The following DAB1 variants were observed in gnomAD, a reference collection of about 807,000 sequenced individuals.
The protein encoded by DAB1 is DAB adaptor protein 1.
DAB1 carries 15 observed loss-of-function variants against 64.6 expected under a neutral mutation model. The observed-to-expected ratio is 0.23, with a 90% CI of 0.16 to 0.36. DAB1 has a LOEUF of 0.36. DAB1 is among the 10% of genes least tolerant of loss of function. The pLI is 1.00. For synonymous variants in DAB1, 235 were observed against 251.9 expected (o/e 0.93, Z 0.64); for missense variants, 596 against 706.7 (o/e 0.84, Z 1.78).
chr1:57,222,931 T>C (rs891678578), intron 2 of DAB1, among the ~76,000 whole-genome samples: 6 of 152,170 alleles, frequency 3.9e-5, no homozygotes, highest in African/African-American at 1.4e-4. Flanking sequence ...CAGTGAATTG[T>C]AACACACTGA....
intron 1 of DAB1, among the ~76,000 whole-genome samples, chr1:57,321,426 C>T (rs1169313867): frequency 7.2e-5 from 11 of 152,292 alleles, no homozygotes; most frequent in East Asian, 1.9e-4. Context: ...GTGGCATCAA[C>T]TCTCACCTCT....
chr1:58,231,979 T>A (rs947494768), intron 4 of DAB1, among the ~76,000 whole-genome samples: 2 of 152,200 alleles, frequency 1.3e-5, no homozygotes, highest in Non-Finnish European at 2.9e-5. Context: ...GAGTTTAGAT[T>A]CAAATCCATG....
rs148860032 is a variant in DAB1 at position 57,782,039 on chromosome 1, A to G, written n.551+101960T>C. Among the ~76,000 whole-genome samples the G allele has an allele frequency of 1.4e-4, 22 of 152,322 alleles. No individual in the cohort carries two copies. The East Asian group carries it at 4.2e-3, about 29-fold the overall frequency. ...TACACACGGCAAAGCAATGATAATTAAGCCTATTTTACAGATGAGAAGACA... is the reference window on the plus strand; with the variant it reads ...TACACACGGCAAAGCAATGATAATTGAGCCTATTTTACAGATGAGAAGACA... On this transcript the variant is annotated intron_variant and non_coding_transcript_variant, in intron 6 of 20. Coordinates refer to the DAB1 transcript ENST00000485760.
At chr1:58,267,698 T>A (rs1164493120) in intron 4 of DAB1, among the ~76,000 whole-genome samples, 1 of 152,166 alleles carries the variant, frequency 6.6e-6, no homozygotes, top group African/African-American at 2.4e-5. Context: ...GTCAATCTCA[T>A]AAGGATTAGA....
rs569979143 is a variant in DAB1, at chr1:58,051,653, C to T, written n.387+98858G>A. On this transcript the variant is annotated intron_variant and non_coding_transcript_variant, in intron 5 of 20. Coordinates refer to the DAB1 transcript ENST00000485760. ...CTTCCACAATGGTTGAAGCAATTTA[C>T]ACTCCCATGAACAGTGTAAAAGCAT... is the stretch of plus-strand genomic sequence containing the variant. Among the ~76,000 whole-genome samples, 15 of 152,312 alleles carry T rather than the reference C, an allele frequency of 9.8e-5. No individual in the cohort carries two copies. In the South Asian group the frequency reaches 3.1e-3, roughly 32 times the overall value.
At chr1:58,310,602 T>C (rs900084905) in intron 4 of DAB1, among the ~76,000 whole-genome samples, 2 of 152,198 alleles carry the variant, frequency 1.3e-5, no homozygotes, top group African/African-American at 4.8e-5. Flanking sequence ...CCCACACTTC[T>C]ATGGCTGCCA....
chr1:57,800,561 T>C (rs1051360742), intron 6 of DAB1, among the ~76,000 whole-genome samples: 2 of 152,292 alleles, frequency 1.3e-5, no homozygotes, highest in African/African-American at 4.8e-5. Context: ...CCCCATGCGA[T>C]GGTAACACAG....
intron 1 of DAB1, chr1:58,539,003 T>TA (rs766647870): frequency 2.3e-6 from 2 of 872,864 alleles, no homozygotes; most frequent in East Asian, 4.8e-5. Context: ...TTCCATACAG[T>TA]ACATTTGCTG....
chr1:58,395,970 T>G (rs1644518263), intron 3 of DAB1, among the ~76,000 whole-genome samples: 1 of 152,096 alleles, frequency 6.6e-6, no homozygotes, highest in Admixed American at 6.5e-5. Context: ...AAAATTGGGG[T>G]TTAGAAAGAT....
intron 7 of DAB1, among the ~76,000 whole-genome samples, chr1:57,477,291 C>T (rs544484774): frequency 2.6e-5 from 4 of 152,156 alleles, no homozygotes; most frequent in African/African-American, 7.2e-5. Flanking sequence ...CACACACAGA[C>T]CCCTAAAACC....
chr1:58,000,338 C>A (rs1646487420), intron 5 of DAB1, among the ~76,000 whole-genome samples: 1 of 152,158 alleles, frequency 6.6e-6, no homozygotes, highest in South Asian at 2.1e-4. Context: ...TCTGTATGGA[C>A]AATTACCAGA....
At chr1:57,866,325 T>C (rs1376500182) in intron 1 of DAB1, 1 of 152,174 alleles carries the variant, frequency 6.6e-6, no homozygotes, top group Admixed American at 6.6e-5. Flanking sequence ...TCCGAGACCA[T>C]CTCTCCTATT....
chr1:57,459,394 C>A (rs1686706744), intron 7 of DAB1, among the ~76,000 whole-genome samples: 1 of 152,110 alleles, frequency 6.6e-6, no homozygotes, highest in Admixed American at 6.6e-5. Flanking sequence ...AAATGCCACA[C>A]CTTTGCACTC....
intron 7 of DAB1, among the ~76,000 whole-genome samples, chr1:57,438,877 A>G (rs926221117): frequency 6.6e-5 from 10 of 152,218 alleles, no homozygotes; most frequent in Admixed American, 2.0e-4. Context: ...CTCTTACTTT[A>G]GCATTCATCC....
chr1:57,009,116 GGAT>G (rs1306836151), intron 14 of DAB1, among the ~76,000 whole-genome samples: 1 of 152,200 alleles, frequency 6.6e-6, no homozygotes, highest in Non-Finnish European at 1.5e-5. Context: ...TTCAATTTTA[GGAT>G]GATGTTTGCT....
At chr1:57,757,196 GA>G in intron 6 of DAB1, among the ~76,000 whole-genome samples, 1 of 78,514 alleles carries the variant, frequency 1.3e-5, no homozygotes, top group East Asian at 3.6e-4. Context: ...CCCAGGGGCA[GA>G]ATTTTTTTTT....
rs368277285 is a variant in DAB1, at chr1:57,649,288, T to C, written n.625+304A>G. Among the ~76,000 whole-genome samples, 8 of 152,292 alleles carry C rather than the reference T, an allele frequency of 5.3e-5. No homozygotes were observed. In the East Asian group the frequency reaches 1.3e-3, roughly 26 times the overall value. ...ATCAAGCCAATCTGAGATGATCTATTAGAAGTGGCTAAAACAGAGGCAGGA... is the reference window on the plus strand; with the variant it reads ...ATCAAGCCAATCTGAGATGATCTATCAGAAGTGGCTAAAACAGAGGCAGGA... On this transcript the variant is annotated intron_variant and non_coding_transcript_variant, in intron 7 of 20. Coordinates refer to the DAB1 transcript ENST00000485760.
At chr1:57,455,669 A>G (rs1686561092) in intron 7 of DAB1, among the ~76,000 whole-genome samples, 1 of 152,068 alleles carries the variant, frequency 6.6e-6, no homozygotes, top group Non-Finnish European at 1.5e-5. Flanking sequence ...CAGTGAAGCT[A>G]TTTGCCCAAG....
At chr1:58,443,905 C>A (rs1378332860) in intron 3 of DAB1, among the ~76,000 whole-genome samples, 1 of 152,172 alleles carries the variant, frequency 6.6e-6, no homozygotes, top group Admixed American at 6.5e-5. Flanking sequence ...TCTAACTCTG[C>A]CACTACCTAC....
Sources: gnomAD v4.1 joint callset for allele counts (sites outside exome capture counted in the v4.1 genomes callset) on GRCh38, gnomAD v4.1.1 for gene constraint, MANE v1.5 for transcripts, NCBI Gene and HGNC (gene_info 2026-07-23, HGNC 2026-07-21) for gene names.